Variants in UTRN observed in about 807,000 individuals in gnomAD.
UTRN encodes the protein dystrophin-related protein 1.
A neutral mutation model predicts 463.9 loss-of-function variants in UTRN; 283 were observed. That is an observed-to-expected ratio of 0.61 (90% CI 0.55 to 0.67). The LOEUF (loss-of-function observed/expected upper bound fraction) is 0.67. UTRN is among the 30% of genes least tolerant of loss of function. The pLI, the probability that UTRN is intolerant of heterozygous loss-of-function variation, is 0.00. For synonymous variants in UTRN, 1,442 were observed against 1,431.5 expected, an observed-to-expected ratio of 1.01 and a Z score of -0.17; for missense variants, 3,922 against 4,084.3, an observed-to-expected ratio of 0.96 and a Z score of 1.08.
intron 58 of UTRN, among the ~76,000 whole-genome samples, chr6:144,762,264 T>C (rs1049210314): frequency 1.3e-5 from 2 of 152,190 alleles, no homozygotes; most frequent in Admixed American, 6.5e-5. Flanking sequence ...CTGATCACTA[T>C]GCGGTGCTGT....
chr6:144,614,987 A>AC (rs1805929808), intron 51 of UTRN, among the ~76,000 whole-genome samples: 1 of 151,858 alleles, frequency 6.6e-6, no homozygotes, highest in African/African-American at 2.4e-5. Flanking sequence ...TAAATAACAA[A>AC]CCCCCCTCTT....
At chr6:144,826,161 AAAAT>A (rs372490067) in intron 66 of UTRN, among the ~76,000 whole-genome samples, 23 of 148,590 alleles carry the variant, frequency 1.5e-4, no homozygotes, top group Non-Finnish European at 2.4e-4. Context: ...AATAAAAGAA[AAAAT>A]AAATAAATAA....
chr6:144,758,185 T>G (rs1792220869), intron 58 of UTRN, 196 bp downstream of exon 58: 2 of 444,942 alleles, frequency 4.5e-6, no homozygotes, highest in Non-Finnish European at 7.9e-6. Context: ...ATTAGGGATA[T>G]AGGTGTGTTT....
chr6:144,381,213 C>T (rs949047696), intron 2 of UTRN, among the ~76,000 whole-genome samples: 6 of 152,124 alleles, frequency 3.9e-5, no homozygotes, highest in African/African-American at 1.4e-4. Context: ...ATATTGTTCC[C>T]TGCTATATAT....
chr6:144,732,200 TTGAG>T (rs1788608081), intron 54 of UTRN, among the ~76,000 whole-genome samples: 1 of 143,520 alleles, frequency 7.0e-6, no homozygotes, highest in African/African-American at 2.5e-5. Context: ...ATTATTCCTT[TTGAG>T]TACTCTGTTT....
intron 1 of UTRN, among the ~76,000 whole-genome samples, chr6:144,288,913 G>A (rs1803948644): frequency 6.6e-6 from 1 of 152,104 alleles, no homozygotes; most frequent in Non-Finnish European, 1.5e-5. Context: ...ACAGGTGTTT[G>A]CCACCATGCC....
chr6:144,708,842 G>A (rs1265925722), intron 53 of UTRN, among the ~76,000 whole-genome samples: 2 of 152,182 alleles, frequency 1.3e-5, no homozygotes, highest in Non-Finnish European at 2.9e-5. Flanking sequence ...CACAGTTCCA[G>A]AGGCGGGGAA....
intron 3 of UTRN, among the ~76,000 whole-genome samples, chr6:144,405,416 T>G (rs188552830): frequency 2.0e-5 from 3 of 152,306 alleles, no homozygotes; most frequent in Admixed American, 6.5e-5. Flanking sequence ...CCATGTGGCT[T>G]AACTCTTGCT....
intron 13 of UTRN, among the ~76,000 whole-genome samples, chr6:144,443,239 G>C (rs1167806670): frequency 6.6e-6 from 1 of 152,166 alleles, no homozygotes; most frequent in Non-Finnish European, 1.5e-5. Flanking sequence ...TTCATCACGT[G>C]AGGTCCTTTT....
chr6:144,720,213 G>A (rs1213081241), intron 53 of UTRN, among the ~76,000 whole-genome samples: 2 of 152,212 alleles, frequency 1.3e-5, no homozygotes, highest in South Asian at 2.1e-4. Flanking sequence ...TCAGCTGATT[G>A]ACTTCCAAGT....
intron 2 of UTRN, among the ~76,000 whole-genome samples, chr6:144,302,777 C>T (rs575760076): frequency 4.6e-5 from 7 of 151,998 alleles, no homozygotes; most frequent in Admixed American, 1.3e-4. Flanking sequence ...AGTAAGAGAG[C>T]GTGAAAGAGG....
At chr6:144,479,548 C>T (rs1267006530) in intron 25 of UTRN, among the ~76,000 whole-genome samples, 1 of 152,126 alleles carries the variant, frequency 6.6e-6, no homozygotes, top group African/African-American at 2.4e-5. Flanking sequence ...TTACAGTCAA[C>T]AGTTATGCAT....
chr6:144,287,459 ATC>A (rs1803806747), intron 1 of UTRN, among the ~76,000 whole-genome samples: 1 of 152,062 alleles, frequency 6.6e-6, no homozygotes, highest in South Asian at 2.1e-4. Context: ...CTTTTCTACT[ATC>A]TCAATCGTTC....
At chr6:144,558,633 A>G (rs996330919) in intron 50 of UTRN, among the ~76,000 whole-genome samples, 6 of 152,184 alleles carry the variant, frequency 3.9e-5, no homozygotes, top group Admixed American at 2.6e-4. Flanking sequence ...AAGTATAATA[A>G]TAATAATTAA....
At chr6:144,684,598 T>C (rs1782557356) in intron 52 of UTRN, among the ~76,000 whole-genome samples, 1 of 152,174 alleles carries the variant, frequency 6.6e-6, no homozygotes, top group African/African-American at 2.4e-5. Context: ...GTACACATTT[T>C]ATTTTATTAC....
In UTRN at chr6:144,547,005, A is replaced by G. The variant is rs150867853; in HGVS notation, c.6596-1635A>G. 5.0e-3 allele frequency among the ~76,000 whole-genome samples: 761 copies of G among 152,360 alleles called. 2 individuals are homozygous for G. The highest frequency in any genetic ancestry group is 8.9e-3 in the Non-Finnish European group (604 of 68,036). On this transcript the variant is annotated intron_variant, in intron 46 of 74. Transcript: ENST00000367545. ...CGTTATGTAGACTTAGATAAAACAC[A>G]CTGTACACGTGGGAGAGACTGAGCC...
chr6:144,707,936 TTAATA>T (rs1785254804), intron 53 of UTRN, among the ~76,000 whole-genome samples: 1 of 152,166 alleles, frequency 6.6e-6, no homozygotes, highest in African/African-American at 2.4e-5. Flanking sequence ...TACTCAGATT[TTAATA>T]TAATAAGAGT....
chr6:144,714,338 T>C (rs986851360), intron 53 of UTRN, among the ~76,000 whole-genome samples: 13 of 152,206 alleles, frequency 8.5e-5, no homozygotes, highest in African/African-American at 3.1e-4. Context: ...ATTTGTCTCA[T>C]GTTTGCATCA....
intron 51 of UTRN, among the ~76,000 whole-genome samples, chr6:144,638,948 G>T (rs1022880268): frequency 6.6e-6 from 1 of 152,118 alleles, no homozygotes; most frequent in African/African-American, 2.4e-5. Context: ...AATGGCTCAT[G>T]CCTGTAGTCC....
Sources: allele counts gnomAD v4.1 joint callset (sites outside exome capture counted in the v4.1 genomes callset), GRCh38; gene constraint gnomAD v4.1.1; transcripts MANE v1.5; gene names NCBI Gene and HGNC (gene_info 2026-07-23, HGNC 2026-07-21).